ZNF438: variants seen among roughly 807,000 people sequenced by gnomAD.
ZNF438 encodes zinc finger protein 438.
ZNF438 carries 25 observed loss-of-function variants against 38.0 expected under a neutral mutation model. The observed-to-expected ratio is 0.66, with a 90% CI of 0.48 to 0.92. The LOEUF (loss-of-function observed/expected upper bound fraction) is 0.92, where lower values mean the gene tolerates loss of function less well. ZNF438 is among the 40% of genes least tolerant of loss of function. ZNF438 has a pLI of 0.00. For synonymous variants in ZNF438, 372 were observed against 364.1 expected, an observed-to-expected ratio of 1.02 and a Z score of -0.25; for missense variants, 1,007 against 999.6, an observed-to-expected ratio of 1.01 and a Z score of -0.10.
At chr10:30,921,795 T>G (rs570373886) in intron 2 of ZNF438, among the ~76,000 whole-genome samples, 14 of 152,292 alleles carry the variant, frequency 9.2e-5, no homozygotes, top group Admixed American at 2.6e-4. Context: ...CTAGATAGTT[T>G]TAAGGCAATC....
chr10:30,930,558 G>T (rs116856909), intron 2 of ZNF438, among the ~76,000 whole-genome samples: 1 of 152,016 alleles, frequency 6.6e-6, no homozygotes, highest in East Asian at 1.9e-4. Context: ...AGGAGGTGCC[G>T]AGAGCAAGCG....
intron 3 of ZNF438, among the ~76,000 whole-genome samples, chr10:30,880,430 T>TAAAAAA (rs60365494): frequency 8.9e-6 from 1 of 111,870 alleles, no homozygotes; most frequent in Non-Finnish European, 1.8e-5. Context: ...AAATTCTATC[T>TAAAAAA]AAAAAAAAAA....
intron 2 of ZNF438, among the ~76,000 whole-genome samples, chr10:30,918,339 T>C (rs1218767407): frequency 6.6e-6 from 1 of 152,196 alleles, no homozygotes; most frequent in Admixed American, 6.5e-5. Flanking sequence ...GGGATTATGT[T>C]GAATCTACAG....
intron 1 of ZNF438, among the ~76,000 whole-genome samples, chr10:31,027,808 T>C (rs2057038286): frequency 6.6e-6 from 1 of 152,184 alleles, no homozygotes; most frequent in Non-Finnish European, 1.5e-5. Context: ...AGAGTAATCA[T>C]AGATCTGGTT....
intron 5 of ZNF438, among the ~76,000 whole-genome samples, chr10:30,847,421 C>T (rs1360873210): frequency 1.3e-5 from 2 of 152,086 alleles, no homozygotes; most frequent in African/African-American, 4.8e-5. Context: ...AGGAACTGCC[C>T]CCTGCAGTTC....
At chr10:30,936,161 T>G (rs999231017) in intron 2 of ZNF438, among the ~76,000 whole-genome samples, 3 of 152,234 alleles carry the variant, frequency 2.0e-5, no homozygotes, top group Non-Finnish European at 4.4e-5. Flanking sequence ...ACTCGACTTA[T>G]GACTTCGGTT....
chr10:30,965,837 T>C (rs149853898), intron 1 of ZNF438, among the ~76,000 whole-genome samples: 16 of 152,234 alleles, frequency 1.1e-4, no homozygotes, highest in African/African-American at 3.9e-4. Flanking sequence ...GGTGACAGGA[T>C]CATCCATAAC....
At chr10:31,003,252 T>C (rs1388388325) in intron 1 of ZNF438, among the ~76,000 whole-genome samples, 2 of 152,166 alleles carry the variant, frequency 1.3e-5, no homozygotes, top group African/African-American at 4.8e-5. Context: ...GTGCTTCCTA[T>C]ATTTAATGAA....
In ZNF438 at chr10:30,983,720, TA is replaced by T. The variant is rs767165773; in HGVS notation, c.-191-42070del. ...TTTATGTAATCTGGATTTTTCAAAT[TA>T]TTTTTTTTATTTTTTTAAACCATGG... is the stretch of plus-strand genomic sequence containing the variant. On this transcript the variant is annotated intron_variant, in intron 1 of 5. Transcript: ENST00000413025. Among the ~76,000 whole-genome samples, 30 of 152,324 alleles carry T rather than the reference TA, an allele frequency of 2.0e-4. 1 individual carries two copies. The South Asian group carries it at 5.0e-3, about 25-fold the overall frequency.
chr10:31,019,698 G>A (rs2056454126), intron 1 of ZNF438, among the ~76,000 whole-genome samples: 1 of 152,190 alleles, frequency 6.6e-6, no homozygotes, highest in African/African-American at 2.4e-5. Context: ...TATACAGGAT[G>A]CCCCACTGAA....
At chr10:30,865,027 C>G (rs1435425042) in intron 4 of ZNF438, among the ~76,000 whole-genome samples, 1 of 152,220 alleles carries the variant, frequency 6.6e-6, no homozygotes, top group Non-Finnish European at 1.5e-5. Flanking sequence ...CTGTCTGGCA[C>G]CAAAGCTGTT....
chr10:30,929,265 TAC>T (rs2045333697), intron 2 of ZNF438, among the ~76,000 whole-genome samples: 1 of 152,200 alleles, frequency 6.6e-6, no homozygotes, highest in Non-Finnish European at 1.5e-5. Flanking sequence ...CAGTGAGTGT[TAC>T]AGTTCTTACA....
intron 1 of ZNF438, among the ~76,000 whole-genome samples, chr10:30,978,402 T>G (rs1480862473): frequency 1.3e-5 from 2 of 152,200 alleles, no homozygotes; most frequent in Non-Finnish European, 2.9e-5. Context: ...AAGTTAATCT[T>G]TTGCTAGTAA....
chr10:30,939,765 T>C (rs1203441467), intron 2 of ZNF438, among the ~76,000 whole-genome samples: 1 of 152,196 alleles, frequency 6.6e-6, no homozygotes. Flanking sequence ...TTCTGTCCTA[T>C]TTCTAGAGCA....
chr10:30,914,053 C>T (rs984020400), intron 2 of ZNF438, among the ~76,000 whole-genome samples: 3 of 151,868 alleles, frequency 2.0e-5, no homozygotes, highest in African/African-American at 4.8e-5. Flanking sequence ...TTTATGTGTG[C>T]GTATAAACTA....
At chr10:30,881,509 T>C (rs892696135) in intron 3 of ZNF438, among the ~76,000 whole-genome samples, 1 of 152,112 alleles carries the variant, frequency 6.6e-6, no homozygotes, top group Admixed American at 6.5e-5. Context: ...AAGAGATATA[T>C]ACCACATTCA....
intron 1 of ZNF438, among the ~76,000 whole-genome samples, chr10:30,966,414 T>G (rs1420076661): frequency 6.6e-6 from 1 of 152,068 alleles, no homozygotes; most frequent in Non-Finnish European, 1.5e-5. Context: ...CTCATGCTTG[T>G]AATCCCAGCA....
rs191408924 is a variant in ZNF438, at chr10:30,963,249, G to A, written c.-191-21598C>T. Reference sequence around the variant, plus strand: ...TCTACCAAAAATACAAAAATTAGCTGGGCATGGTGGCGGGCATCTGTAATC... The same window carrying A: ...TCTACCAAAAATACAAAAATTAGCTAGGCATGGTGGCGGGCATCTGTAATC... On this transcript the variant is annotated intron_variant, in intron 1 of 5. Transcript: ENST00000413025. Among the ~76,000 whole-genome samples the A allele has an allele frequency of 2.5e-3, 373 of 151,878 alleles. 1 individual carries two copies. The highest frequency in any genetic ancestry group is 8.5e-3 in the African/African-American group (350 of 41,418).
intron 1 of ZNF438, among the ~76,000 whole-genome samples, chr10:31,023,416 T>C (rs763770079): frequency 3.9e-5 from 6 of 152,202 alleles, no homozygotes; most frequent in Admixed American, 2.6e-4. Context: ...AAATAATATA[T>C]TACCTCTTGA....
Sources: allele counts gnomAD v4.1 joint callset (sites outside exome capture counted in the v4.1 genomes callset), GRCh38; gene constraint gnomAD v4.1.1; transcripts MANE v1.5; gene names NCBI Gene and HGNC (gene_info 2026-07-23, HGNC 2026-07-21).